LARP4: variants seen among roughly 807,000 people sequenced by gnomAD.
The protein encoded by LARP4 is la-related protein 4.
A neutral mutation model predicts 92.9 loss-of-function variants in LARP4; 29 were observed. That is an observed-to-expected ratio of 0.31 (90% CI 0.23 to 0.43). The LOEUF is 0.43. Ranked by LOEUF, LARP4 falls within the 20% of genes least tolerant of loss-of-function variation. The pLI is 1.00. For missense variants in LARP4, 732 were observed against 860.0 expected (o/e 0.85, Z 1.86); for synonymous variants, 279 against 284.1 (o/e 0.98, Z 0.18).
intron 8 of LARP4, among the ~76,000 whole-genome samples, chr12:50,442,258 A>C (rs898807816): frequency 5.9e-5 from 9 of 152,222 alleles, no homozygotes; most frequent in Admixed American, 2.0e-4. Context: ...TAACAGATGA[A>C]AAATATTCAC....
At chr12:50,409,160 GA>G (rs1306284959) in intron 1 of LARP4, among the ~76,000 whole-genome samples, 1 of 152,030 alleles carries the variant, frequency 6.6e-6, no homozygotes, top group Non-Finnish European at 1.5e-5. Context: ...TTACATAAAA[GA>G]TTTTTTTTTT....
Position 50,449,979 on chromosome 12 carries a change from A to T in LARP4, c.805-3481A>T, listed in dbSNP as rs1188135597. On this transcript the variant is annotated intron_variant, in intron 8 of 15. Transcript: ENST00000398473. The stretch of plus-strand genomic sequence containing the variant: ...AGATGGAGTTTTGCTCTGTTGCCAG[A>T]CTGGAGTGCAGTGGCACGATCTCAG... 4.2e-5 allele frequency among the ~76,000 whole-genome samples: 5 copies of T among 119,642 alleles called. No homozygotes were observed. In the Admixed American group the frequency reaches 6.3e-4, roughly 15 times the overall value. The allele number at this position is 119,642 out of a possible 152,430, so 78.5% of individuals were successfully genotyped here.
intron 1 of LARP4, among the ~76,000 whole-genome samples, chr12:50,404,321 A>G (rs928629792): frequency 5.9e-5 from 9 of 152,182 alleles, no homozygotes; most frequent in Admixed American, 5.9e-4. Flanking sequence ...TCAACCACCT[A>G]CTTGTATTGG....
At chr12:50,434,335 A>G (rs542163665) in intron 4 of LARP4, among the ~76,000 whole-genome samples, 1 of 152,032 alleles carries the variant, frequency 6.6e-6, no homozygotes, top group African/African-American at 2.4e-5. Context: ...GTAAGATGCA[A>G]GTGTTTGCAT....
chr12:50,449,343 T>C (rs529070978), intron 8 of LARP4, among the ~76,000 whole-genome samples: 1 of 152,356 alleles, frequency 6.6e-6, no homozygotes, highest in African/African-American at 2.4e-5. Flanking sequence ...ATTATCTGTC[T>C]TGCAGTGTTT....
At chr12:50,444,422 T>C (rs1166808588) in intron 8 of LARP4, among the ~76,000 whole-genome samples, 1 of 152,194 alleles carries the variant, frequency 6.6e-6, no homozygotes, top group Non-Finnish European at 1.5e-5. Flanking sequence ...TTTTTCTTTA[T>C]GCTTCTTTTG....
chr12:50,419,128 A>C (rs1277578888), intron 1 of LARP4, among the ~76,000 whole-genome samples: 1 of 152,158 alleles, frequency 6.6e-6, no homozygotes, highest in African/African-American at 2.4e-5. Flanking sequence ...TGGGAGGCTG[A>C]TGCATGAGGA....
At chr12:50,470,063 TA>T (rs879305058) in intron 13 of LARP4, among the ~76,000 whole-genome samples, 217 of 136,390 alleles carry the variant, frequency 1.6e-3, no homozygotes, top group Non-Finnish European at 1.2e-3. Context: ...GTACATAAAG[TA>T]AAAAAAAAAA....
Position 50,441,653 on chromosome 12 carries a change from A to G in LARP4, c.804+10A>G. 1.3e-6 allele frequency: 2 copies of G among 1,587,114 alleles called. No individual in the cohort carries two copies. The highest frequency in any genetic ancestry group is 1.7e-6 in the Non-Finnish European group (2 of 1,162,754). Reference sequence around the variant, plus strand: ...GGGCAAGCCAATTATGGTAAGAAATAGAGATCAGTGTGAAACCAGAACAGG... The same window carrying G: ...GGGCAAGCCAATTATGGTAAGAAATGGAGATCAGTGTGAAACCAGAACAGG... On this transcript the variant is annotated intron_variant, in intron 8 of 15. Transcript: ENST00000398473.
intron 5 of LARP4, among the ~76,000 whole-genome samples, chr12:50,436,941 A>C (rs1256558926): frequency 6.6e-6 from 1 of 152,202 alleles, no homozygotes; most frequent in African/African-American, 2.4e-5. Flanking sequence ...ACAAACATTT[A>C]TGGAATCTCT....
chr12:50,407,388 C>T (rs1945054301), intron 1 of LARP4, among the ~76,000 whole-genome samples: 1 of 152,164 alleles, frequency 6.6e-6, no homozygotes, highest in South Asian at 2.1e-4. Flanking sequence ...GTTTTCATCT[C>T]AGCCTTGTTA....
chr12:50,456,784 C>A (rs2138442223), intron 10 of LARP4, among the ~76,000 whole-genome samples: 1 of 152,138 alleles, frequency 6.6e-6, no homozygotes, highest in South Asian at 2.1e-4. Flanking sequence ...GATCTGAGGG[C>A]TGTATAAATG....
intron 1 of LARP4, among the ~76,000 whole-genome samples, chr12:50,410,665 A>C (rs1328515285): frequency 1.3e-5 from 2 of 152,080 alleles, no homozygotes; most frequent in Non-Finnish European, 2.9e-5. Context: ...CAGCCTCCCA[A>C]AGTGCTGGGA....
rs1367428441 is a variant in LARP4, at chr12:50,479,175, T to C, written c.*3311T>C. On this transcript the variant is annotated 3_prime_UTR_variant, in exon 16 of 16. Coordinates refer to ENST00000398473, the MANE Select transcript of LARP4 (RefSeq NM_052879.5). ...GTTATGGCCTTAATAATTAGTCTCT[T>C]GGCTTAAATGTCCACTGGTTTTACT... is the stretch of plus-strand genomic sequence containing the variant. The C allele has an allele frequency of 6.6e-6, 1 of 152,624 alleles. No individual in the cohort carries two copies. The highest frequency in any genetic ancestry group is 1.5e-5 in the Non-Finnish European group (1 of 68,034). 9.5% of individuals were successfully genotyped at this position (152,624 alleles called of 1,614,324 possible). A position where few individuals can be genotyped will look rare whatever the true frequency, so the allele number is the denominator to read the frequency against.
chr12:50,461,203 A>C lies in LARP4; in HGVS notation c.1190A>C (p.Asp397Ala), dbSNP rs1204812849. 1 of 1,613,924 alleles carries C rather than the reference A, an allele frequency of 6.2e-7. No homozygotes were observed. Among genetic ancestry groups the C allele is most frequent in the Admixed American group, 1.7e-5 (1 of 59,978 alleles). ...HSTEGSVSLG[D>A]GQLNRYSSRN... ...ACAGAGGGCTCTGTATCCTTGGGGG[A>C]TGGACAGTTGAACAGATATAGTTCA... Residue 397 changes from aspartate (D) to alanine (A), a missense_variant, in exon 11 of 16, where the codon GAT (aspartate) becomes GCT (alanine). Around this residue, in one of 7 missense-constraint regions of LARP4, gnomAD observed 264 missense variants for 269.5 expected, o/e 0.98. Transcript: ENST00000398473.
intron 4 of LARP4, 65 bp downstream of exon 4, chr12:50,430,635 A>G (rs1949507563): frequency 2.2e-6 from 2 of 906,576 alleles, no homozygotes; most frequent in African/African-American, 3.4e-5. Context: ...AATAGAGCGC[A>G]AGGATGGTGA....
At position 50,453,074 on chromosome 12, in the gene LARP4, CT is replaced by C. The variant is rs755416642; in HGVS notation, c.805-369del. On this transcript the variant is annotated intron_variant, in intron 8 of 15. Coordinates refer to ENST00000398473, the MANE Select transcript of LARP4 (RefSeq NM_052879.5). ...ACAGGTTGCATGCCACCATGCCCAGCTTTTTTTTTTTTTTTTTCCTTGTAAG... is the reference window on the plus strand; with the variant it reads ...ACAGGTTGCATGCCACCATGCCCAGCTTTTTTTTTTTTTTTTCCTTGTAAG... 7.4e-3 allele frequency among the ~76,000 whole-genome samples: 1,011 copies of C among 136,054 alleles called. 9 individuals carry two copies. The highest frequency in any genetic ancestry group is 0.017 in the African/African-American group (632 of 37,416). The allele number at this position is 136,054 out of a possible 152,430, so 89.3% of individuals were successfully genotyped here.
chr12:50,435,003 G>A (rs1950209696), intron 4 of LARP4, among the ~76,000 whole-genome samples: 1 of 152,204 alleles, frequency 6.6e-6, no homozygotes, highest in African/African-American at 2.4e-5. Context: ...AGTCGAGTTT[G>A]CGCCACTGCG....
At chr12:50,410,733 C>A (rs1275156978) in intron 1 of LARP4, among the ~76,000 whole-genome samples, 1 of 152,048 alleles carries the variant, frequency 6.6e-6, no homozygotes. Context: ...TGAAAATATT[C>A]ATGAATCTCA....
Sources: gnomAD v4.1 joint callset for allele counts (sites outside exome capture counted in the v4.1 genomes callset) on GRCh38, gnomAD v4.1.1 for gene constraint, gnomAD v4.1.1 regional missense constraint, MANE v1.5 for transcripts, NCBI Gene and HGNC (gene_info 2026-07-23, HGNC 2026-07-21) for gene names.